The following RBM46 variants were observed in gnomAD, a reference collection of about 807,000 sequenced individuals.
RBM46 encodes probable RNA-binding protein 46.
In RBM46, 12 loss-of-function variants were observed where a neutral mutation model predicts 43.3. The observed-to-expected ratio is 0.28, with a 90% CI of 0.18 to 0.45. RBM46 has a LOEUF of 0.45. RBM46 is among the 20% of genes least tolerant of loss of function. RBM46 has a pLI of 1.00. For missense variants in RBM46, 412 were observed against 639.1 expected (o/e 0.64, Z 3.83); for synonymous variants, 205 against 207.6 (o/e 0.99, Z 0.11).
chr4:154,796,761 A>G lies in RBM46; in HGVS notation c.9A>G (p.Glu3=). ...TTTTAGGAACTGCAACCATGAATGAAGAAAATATAGATGGAACAAATGGAT... is the reference window on the plus strand; with the variant it reads ...TTTTAGGAACTGCAACCATGAATGAGGAAAATATAGATGGAACAAATGGAT... The part of the protein sequence containing the change: MN[E]ENIDGTNGCS... Residue 3 remains glutamate (E), a synonymous_variant, in exon 2 of 5, where the codon GAA becomes GAG. Coordinates refer to ENST00000281722, the MANE Select transcript of RBM46 (RefSeq NM_144979.5). 1 of 1,605,222 alleles carries G rather than the reference A, an allele frequency of 6.2e-7. No individual in the cohort carries two copies. Among genetic ancestry groups the G allele is most frequent in the Non-Finnish European group, 8.5e-7 (1 of 1,176,926 alleles).
chr4:154,787,001 TATC>T (rs1458033057), intron 1 of RBM46: 1 of 152,082 alleles, frequency 6.6e-6, no homozygotes, highest in Non-Finnish European at 1.5e-5. Flanking sequence ...AGATAGTACT[TATC>T]ATATTGAAAT....
chr4:154,803,740 G>A (rs1243173318), intron 4 of RBM46, among the ~76,000 whole-genome samples: 1 of 139,732 alleles, frequency 7.2e-6, no homozygotes, highest in Non-Finnish European at 1.5e-5. Flanking sequence ...AGGAAATTAT[G>A]TATTTACTGG....
At chr4:154,795,572 T>C (rs956059797) in intron 1 of RBM46, among the ~76,000 whole-genome samples, 1 of 152,130 alleles carries the variant, frequency 6.6e-6, no homozygotes, top group African/African-American at 2.4e-5. Context: ...CAGTCACGGC[T>C]CACTGCAGCC....
chr4:154,803,657 C>T (rs963697335), intron 4 of RBM46, among the ~76,000 whole-genome samples: 1 of 114,176 alleles, frequency 8.8e-6, no homozygotes, highest in South Asian at 3.0e-4. Context: ...GAGCCGACAT[C>T]AAGCCACTGC....
At chr4:154,792,471 G>A (rs551921652) in intron 1 of RBM46, among the ~76,000 whole-genome samples, 4 of 152,268 alleles carry the variant, frequency 2.6e-5, no homozygotes, top group African/African-American at 4.8e-5. Context: ...CTCCTTCCGT[G>A]TCTCATTCAT....
At chr4:154,808,396 T>G (rs1031450836) in intron 4 of RBM46, among the ~76,000 whole-genome samples, 1 of 152,040 alleles carries the variant, frequency 6.6e-6, no homozygotes, top group East Asian at 1.9e-4. Flanking sequence ...TACTTTTCTT[T>G]AATCCTGTTT....
At chr4:154,822,251 C>T (rs1475258706) in intron 4 of RBM46, among the ~76,000 whole-genome samples, 1 of 151,606 alleles carries the variant, frequency 6.6e-6, no homozygotes, top group East Asian at 1.9e-4. Flanking sequence ...CATTGTAATC[C>T]ATTCTTCCTT....
rs987621505 is a variant in RBM46 at position 154,827,125 on chromosome 4, TATTG to T, written c.1403-740_1403-737del. 5 of 994,202 alleles carry T rather than the reference TATTG, an allele frequency of 5.0e-6. No homozygotes were observed. The Admixed American group carries it at 2.1e-4, about 43-fold the overall frequency. The allele number at this position is 994,202 out of a possible 1,614,324, so 61.6% of individuals were successfully genotyped here. On this transcript the variant is annotated intron_variant, in intron 4 of 4. Coordinates refer to ENST00000281722, the MANE Select transcript of RBM46 (RefSeq NM_144979.5). Reference sequence around the variant, plus strand: ...TGTTGCAGTTAATGAAACAGGAAATTATTGATGCATAAGATGAATGTTTATTGTG... The same window carrying T: ...TGTTGCAGTTAATGAAACAGGAAATTATGCATAAGATGAATGTTTATTGTG...
At chr4:154,786,414 A>G (rs534628776) in intron 1 of RBM46, among the ~76,000 whole-genome samples, 8 of 152,046 alleles carry the variant, frequency 5.3e-5, no homozygotes, top group Non-Finnish European at 1.0e-4. Context: ...AGTGGTTCTG[A>G]TTACAAAAAA....
At chr4:154,797,596 C>G (rs182422288) in intron 2 of RBM46, among the ~76,000 whole-genome samples, 1 of 152,238 alleles carries the variant, frequency 6.6e-6, no homozygotes, top group Non-Finnish European at 1.5e-5. Context: ...CCTTGATTTT[C>G]TTCGTAGCAC....
chr4:154,785,563 T>G (rs1384321268), intron 1 of RBM46, among the ~76,000 whole-genome samples: 1 of 152,182 alleles, frequency 6.6e-6, no homozygotes, highest in East Asian at 1.9e-4. Context: ...TTACTTTTAA[T>G]GGCAAAAACT....
At chr4:154,809,747 T>A (rs1387980117) in intron 4 of RBM46, among the ~76,000 whole-genome samples, 4 of 152,168 alleles carry the variant, frequency 2.6e-5, no homozygotes, top group African/African-American at 9.6e-5. Context: ...CTGTTTTTTC[T>A]TCATGGTTTT....
intron 4 of RBM46, among the ~76,000 whole-genome samples, chr4:154,806,242 A>C (rs1037560152): frequency 6.6e-6 from 1 of 151,740 alleles, no homozygotes; most frequent in Non-Finnish European, 1.5e-5. Flanking sequence ...TATATTATGG[A>C]GTTAGTACAG....
At chr4:154,803,428 C>T (rs1045673844) in intron 4 of RBM46, among the ~76,000 whole-genome samples, 2 of 151,992 alleles carry the variant, frequency 1.3e-5, no homozygotes, top group African/African-American at 4.8e-5. Flanking sequence ...GGGCTGGGCG[C>T]GGTGGCTCAC....
At chr4:154,813,921 T>G (rs1735304791) in intron 4 of RBM46, among the ~76,000 whole-genome samples, 1 of 152,042 alleles carries the variant, frequency 6.6e-6, no homozygotes, top group Non-Finnish European at 1.5e-5. Flanking sequence ...ATCATTTACT[T>G]TAAAATTTAT....
At chr4:154,824,148 A>G (rs1302195495) in intron 4 of RBM46, among the ~76,000 whole-genome samples, 1 of 151,854 alleles carries the variant, frequency 6.6e-6, no homozygotes, top group Non-Finnish European at 1.5e-5. Flanking sequence ...TTTAGCGTAT[A>G]AAACAAGGGA....
In RBM46 at chr4:154,817,515, A is replaced by G. The variant is rs540392593; in HGVS notation, c.1403-10353A>G. On this transcript the variant is annotated intron_variant, in intron 4 of 4. Coordinates refer to ENST00000281722, the MANE Select transcript of RBM46 (RefSeq NM_144979.5). ...CCCAGCTGATTTTTGTATTTTTAGTAGAGATGGGATTTCATCATGTTGGCC... is the reference window on the plus strand; with the variant it reads ...CCCAGCTGATTTTTGTATTTTTAGTGGAGATGGGATTTCATCATGTTGGCC... Among the ~76,000 whole-genome samples, 68 of 151,780 alleles carry G rather than the reference A, an allele frequency of 4.5e-4. 2 individuals carry two copies. Among genetic ancestry groups the G allele is most frequent in the African/African-American group, 1.5e-3 (62 of 41,410 alleles).
chr4:154,796,728 A>G lies in RBM46; in HGVS notation c.-11-14A>G. ...TGTTGTAAACTTAACCAGTGTTATT[A>G]AACTTTATTTTAGGAACTGCAACCA... On this transcript the variant is annotated splice_polypyrimidine_tract_variant and intron_variant, in intron 1 of 4. Coordinates refer to ENST00000281722, the MANE Select transcript of RBM46 (RefSeq NM_144979.5). 3.8e-6 allele frequency: 6 copies of G among 1,567,938 alleles called. No homozygotes were observed. Among genetic ancestry groups the G allele is most frequent in the Non-Finnish European group, 5.2e-6 (6 of 1,151,862 alleles).
At chr4:154,823,559 A>T (rs536530869) in intron 4 of RBM46, among the ~76,000 whole-genome samples, 2 of 152,092 alleles carry the variant, frequency 1.3e-5, no homozygotes, top group East Asian at 3.9e-4. Flanking sequence ...TAAAGTCTCT[A>T]TTAAGGGTTT....
Sources: allele counts gnomAD v4.1 joint callset (sites outside exome capture counted in the v4.1 genomes callset), GRCh38; gene constraint gnomAD v4.1.1; transcripts MANE v1.5; gene names NCBI Gene and HGNC (gene_info 2026-07-23, HGNC 2026-07-21).